The following STAP1 variants were observed in gnomAD, a reference collection of about 807,000 sequenced individuals.
STAP1 encodes the protein signal transducing adaptor family member 1, also known as signal-transducing adaptor protein 1.
STAP1 carries 30 observed loss-of-function variants against 37.8 expected under a neutral mutation model. The observed-to-expected ratio is 0.79, with a 90% CI of 0.59 to 1.08. The LOEUF is 1.08. Among genes scored for constraint, STAP1 ranks in the 50% least tolerant of loss-of-function variants. The probability of loss-of-function intolerance (pLI) is 0.00; values close to 1 mark genes in which losing one functional copy is unlikely to be tolerated. For missense variants in STAP1, 357 were observed against 349.4 expected (o/e 1.02, Z -0.17); for synonymous variants, 130 against 116.0 (o/e 1.12, Z -0.78).
At chr4:67,590,773 TATAGTCA>T in intron 6 of STAP1, 104 bp from the exon 7 acceptor site, 1 of 228,636 alleles carries the variant, frequency 4.4e-6, no homozygotes, top group Non-Finnish European at 7.7e-6. Context: ...TTTGCCAAAC[TATAGTCA>T]TGACAACATA....
At chr4:67,564,209 T>C (rs1474884609) in intron 1 of STAP1, among the ~76,000 whole-genome samples, 2 of 152,194 alleles carry the variant, frequency 1.3e-5, no homozygotes, top group Non-Finnish European at 2.9e-5. Flanking sequence ...CATGGTCTAA[T>C]GCTATTTGTA....
chr4:67,590,902 C>T lies in STAP1; in HGVS notation c.678C>T (p.His226=). Residue 226 remains histidine, a synonymous_variant, in exon 7 of 9, where the codon CAC becomes CAT. Coordinates refer to ENST00000265404, the MANE Select transcript of STAP1 (RefSeq NM_012108.4). ...RQEIDIPRIK[H]YKVMSVGQNY... is the part of the protein sequence containing the mutation. ...ATTGTAGCATTCCAAGAATCAAGCA[C>T]TACAAAGTGATGAGCGTAGGACAAA... 1 of 1,612,322 alleles carries T rather than the reference C, an allele frequency of 6.2e-7. No individual in the cohort carries two copies. Among genetic ancestry groups the T allele is most frequent in the East Asian group, 2.2e-5 (1 of 44,758 alleles).
At chr4:67,569,029 C>A (rs897211245) in intron 1 of STAP1, among the ~76,000 whole-genome samples, 1 of 152,182 alleles carries the variant, frequency 6.6e-6, no homozygotes, top group Non-Finnish European at 1.5e-5. Flanking sequence ...GTGATTTCAT[C>A]ATTGTGTGAA....
chr4:67,558,765 TTTTG>T lies in STAP1; in HGVS notation c.-40_-37del. The T allele has an allele frequency of 6.3e-7, 1 of 1,581,258 alleles. No individual in the cohort carries two copies. The highest frequency in any genetic ancestry group is 1.2e-5 in the South Asian group (1 of 86,072). The stretch of plus-strand genomic sequence containing the variant: ...TTCCTCTCACAGAAGGAAGATTTCA[TTTTG>T]TTTGAGACGAGAAACCAAACCACAC... On this transcript the variant is annotated 5_prime_UTR_variant, in exon 1 of 9. Coordinates refer to ENST00000265404, the MANE Select transcript of STAP1 (RefSeq NM_012108.4).
At chr4:67,566,814 A>C (rs1727481150) in intron 1 of STAP1, among the ~76,000 whole-genome samples, 1 of 152,088 alleles carries the variant, frequency 6.6e-6, no homozygotes. Context: ...TACTAAAAAT[A>C]TAAAAATTAG....
At chr4:67,597,586 G>C (rs577778819) in intron 8 of STAP1, among the ~76,000 whole-genome samples, 1 of 152,350 alleles carries the variant, frequency 6.6e-6, no homozygotes, top group African/African-American at 2.4e-5. Flanking sequence ...AGCAGCCGCA[G>C]GGGATGTACC....
chr4:67,584,690 GA>G (rs1727942523), intron 6 of STAP1, among the ~76,000 whole-genome samples: 1 of 98,832 alleles, frequency 1.0e-5, no homozygotes, highest in African/African-American at 3.1e-5. Flanking sequence ...CCTTGAGATA[GA>G]AGAATGCTTG....
chr4:67,573,737 T>C (rs1727655602), intron 2 of STAP1, among the ~76,000 whole-genome samples: 1 of 152,124 alleles, frequency 6.6e-6, no homozygotes, highest in South Asian at 2.1e-4. Flanking sequence ...CTCATCAATA[T>C]AGAAATAGCT....
intron 2 of STAP1, among the ~76,000 whole-genome samples, chr4:67,573,821 A>C (rs1389311935): frequency 6.6e-6 from 1 of 152,140 alleles, no homozygotes; most frequent in East Asian, 1.9e-4. Context: ...TATACAGTAA[A>C]ATAAGTCATA....
chr4:67,568,694 A>G (rs543678761), intron 1 of STAP1, among the ~76,000 whole-genome samples: 4 of 152,306 alleles, frequency 2.6e-5, no homozygotes, highest in South Asian at 2.1e-4. Context: ...ATGGTGTTCA[A>G]TTATCAATTT....
At chr4:67,600,935 A>T (rs1308455630) in intron 8 of STAP1, among the ~76,000 whole-genome samples, 1 of 152,026 alleles carries the variant, frequency 6.6e-6, no homozygotes, top group Admixed American at 6.5e-5. Flanking sequence ...CAGCCACTCT[A>T]TATCTTTTGA....
At chr4:67,601,237 CAG>C (rs1298434842) in intron 8 of STAP1, among the ~76,000 whole-genome samples, 8 of 152,108 alleles carry the variant, frequency 5.3e-5, no homozygotes, top group African/African-American at 1.9e-4. Context: ...AACAAGCAAA[CAG>C]AAACTAATAA....
intron 8 of STAP1, among the ~76,000 whole-genome samples, chr4:67,602,528 TA>T (rs1332265144): frequency 1.6e-4 from 24 of 152,208 alleles, no homozygotes; most frequent in Admixed American, 1.6e-3. Context: ...TATTCTGATC[TA>T]AGTCGTTGGT....
rs1727920037 is a variant in STAP1, at chr4:67,583,782, T to C, written c.659+80T>C. 6 of 1,493,446 alleles carry C rather than the reference T, an allele frequency of 4.0e-6. No individual in the cohort carries two copies. In the South Asian group the frequency reaches 7.8e-5, roughly 19 times the overall value. 92.5% of individuals were successfully genotyped at this position (1,493,446 alleles called of 1,614,324 possible). A position where few individuals can be genotyped will look rare whatever the true frequency, so the allele number is the denominator to read the frequency against. On this transcript the variant is annotated intron_variant, in intron 6 of 8. Coordinates refer to ENST00000265404, the MANE Select transcript of STAP1 (RefSeq NM_012108.4). Reference sequence around the variant, plus strand: ...TACAAGTCCAGATCAGCACCTGCTATGTGTTTCGTTGGGGCTGAAAATATG... The same window carrying C: ...TACAAGTCCAGATCAGCACCTGCTACGTGTTTCGTTGGGGCTGAAAATATG...
At chr4:67,590,745 AT>A (rs66493617) in intron 6 of STAP1, 138 bp from the exon 7 acceptor site, 13,482 of 208,736 alleles carry the variant, frequency 0.065, 11 homozygotes, top group East Asian at 0.17. Context: ...ACCACGAAGG[AT>A]TTTTTTTTTT....
chr4:67,586,819 T>C lies in STAP1; in HGVS notation c.659+3117T>C, dbSNP rs73829231. On this transcript the variant is annotated intron_variant, in intron 6 of 8. Transcript: ENST00000265404. ...CTGATGGTCATCAAAACTTACAACA[T>C]TTTATAAAACTAATCATTCTCCCCC... is the stretch of plus-strand genomic sequence containing the variant. Among the ~76,000 whole-genome samples the C allele has an allele frequency of 3.8e-3, 576 of 152,308 alleles. 3 individuals carry two copies. Among genetic ancestry groups the C allele is most frequent in the African/African-American group, 0.013 (556 of 41,560 alleles).
In STAP1 at chr4:67,583,519, T is replaced by C. The variant is rs558053923; in HGVS notation, c.531-55T>C. 388 of 1,515,748 alleles carry C rather than the reference T, an allele frequency of 2.6e-4. 1 individual carries two copies. Among genetic ancestry groups the C allele is most frequent in the Non-Finnish European group, 3.3e-4 (368 of 1,129,932 alleles). The allele number at this position is 1,515,748 out of a possible 1,614,324, so 93.9% of individuals were successfully genotyped here. A position where few individuals can be genotyped will look rare whatever the true frequency, so the allele number is the denominator to read the frequency against. On this transcript the variant is annotated intron_variant, in intron 5 of 8. Coordinates refer to ENST00000265404, the MANE Select transcript of STAP1 (RefSeq NM_012108.4). ...TTATTTTGGTAGTATTTTTTTCAAG[T>C]AATGATCTTCATCAGTTAAAAAAAC...
At chr4:67,565,638 C>T (rs1269880777) in intron 1 of STAP1, among the ~76,000 whole-genome samples, 3 of 152,028 alleles carry the variant, frequency 2.0e-5, no homozygotes, top group South Asian at 2.1e-4. Flanking sequence ...GTCTTAGGTG[C>T]TTTACACACA....
intron 1 of STAP1, among the ~76,000 whole-genome samples, chr4:67,568,888 T>C (rs1428989133): frequency 2.0e-5 from 3 of 152,234 alleles, no homozygotes; most frequent in Non-Finnish European, 4.4e-5. Context: ...TGCGTAGGCT[T>C]CCACTGAAAT....
Sources: allele counts gnomAD v4.1 joint callset (sites outside exome capture counted in the v4.1 genomes callset), GRCh38; gene constraint gnomAD v4.1.1; transcripts MANE v1.5; gene names NCBI Gene and HGNC (gene_info 2026-07-23, HGNC 2026-07-21).